Variants in PPP4R4 observed in about 807,000 individuals in gnomAD.
PPP4R4 encodes serine/threonine-protein phosphatase 4 regulatory subunit 4.
Under a neutral mutation model 121.8 loss-of-function variants are expected in PPP4R4, and 70 were observed. That is an observed-to-expected ratio of 0.57 (90% confidence interval 0.47 to 0.70). The LOEUF is 0.70. Ranked by LOEUF, PPP4R4 falls within the 30% of genes least tolerant of loss-of-function variation. The pLI, the probability that PPP4R4 is intolerant of heterozygous loss-of-function variation, is 0.00. For synonymous variants in PPP4R4, 348 were observed against 355.7 expected (o/e 0.98, Z 0.24); for missense variants, 875 against 1,033.6 (o/e 0.85, Z 2.10).
At chr14:94,209,473 T>C (rs540484282) in intron 3 of PPP4R4, among the ~76,000 whole-genome samples, 48 of 152,124 alleles carry the variant, frequency 3.2e-4, no homozygotes, top group Non-Finnish European at 6.2e-4. Flanking sequence ...ATCAGGGACA[T>C]ACCATGTTAT....
At chr14:94,183,513 G>A (rs1255753083) in intron 2 of PPP4R4, among the ~76,000 whole-genome samples, 1 of 152,154 alleles carries the variant, frequency 6.6e-6, no homozygotes, top group South Asian at 2.1e-4. Flanking sequence ...AAAGGGTTTG[G>A]AGATTGTTTC....
Position 94,242,438 on chromosome 14 carries a change from G to A in PPP4R4, c.1266+30G>A, listed in dbSNP as rs199867789. ...GTCTGAAGACTTGATATCACTTTAC[G>A]TTTGTTGTTAATTCTACCTATGTAT... is the stretch of plus-strand genomic sequence containing the variant. On this transcript the variant is annotated intron_variant, in intron 11 of 24. Transcript: ENST00000304338. 68 of 1,581,670 alleles carry A rather than the reference G, an allele frequency of 4.3e-5. No individual in the cohort carries two copies. In the African/African-American group the frequency reaches 4.7e-4, roughly 11 times the overall value.
chr14:94,220,082 T>C (rs28559646), intron 3 of PPP4R4, among the ~76,000 whole-genome samples: 82,914 of 152,000 alleles, frequency 0.55, 25,213 homozygotes, highest in African/African-American at 0.82. Flanking sequence ...ATTAGCCAGG[T>C]GTGGTGGCAG....
chr14:94,228,894 GA>G (rs1347033278), intron 3 of PPP4R4, among the ~76,000 whole-genome samples: 1 of 152,140 alleles, frequency 6.6e-6, no homozygotes, highest in African/African-American at 2.4e-5. Context: ...TGAGAACTGG[GA>G]TAAGGAGGTG....
intron 7 of PPP4R4, among the ~76,000 whole-genome samples, 159 bp from the exon 8 acceptor site, chr14:94,237,406 G>A (rs984365458): frequency 1.3e-5 from 2 of 152,170 alleles, no homozygotes; most frequent in Admixed American, 1.3e-4. Flanking sequence ...TATGTATGGT[G>A]TGCTTTCCCA....
chr14:94,179,580 C>T (rs61983485), intron 2 of PPP4R4, among the ~76,000 whole-genome samples: 7,328 of 152,198 alleles, frequency 0.048, 271 homozygotes, highest in Non-Finnish European at 0.074. Flanking sequence ...TTTTGCTTTT[C>T]CTCATCCTGG....
chr14:94,213,770 A>G (rs898775557), intron 3 of PPP4R4, among the ~76,000 whole-genome samples: 12 of 152,342 alleles, frequency 7.9e-5, no homozygotes, highest in Middle Eastern at 3.4e-3. Flanking sequence ...TCTAGATGGA[A>G]TGTGGCCTTG....
chr14:94,176,608 G>A lies in PPP4R4; in HGVS notation c.191+481G>A, dbSNP rs116063214. Among the ~76,000 whole-genome samples the A allele has an allele frequency of 5.8e-3, 884 of 152,042 alleles. 10 individuals are homozygous for A. Among genetic ancestry groups the A allele is most frequent in the African/African-American group, 0.021 (851 of 41,368 alleles). On this transcript the variant is annotated intron_variant, in intron 2 of 24. Transcript: ENST00000304338. The stretch of plus-strand genomic sequence containing the variant: ...GCAAGCTTTATGATTTTGTCTGAGG[G>A]GTTTTAGAAATTTGGTCGAGCCTAC...
rs972121800 is a variant in PPP4R4 at position 94,278,999 on chromosome 14, G to A, written c.*356G>A. 4 of 159,192 alleles carry A rather than the reference G, an allele frequency of 2.5e-5. No individual in the cohort carries two copies. Among genetic ancestry groups the A allele is most frequent in the Non-Finnish European group, 5.5e-5 (4 of 72,868 alleles). 9.9% of individuals were successfully genotyped at this position (159,192 alleles called of 1,614,324 possible). On this transcript the variant is annotated 3_prime_UTR_variant, in exon 25 of 25. Transcript: ENST00000304338. Reference sequence around the variant, plus strand: ...AAACCAGCCATTTAATTGTTCTAGAGTTTTAGCATTTAAAAATCGTATGAA... The same window carrying A: ...AAACCAGCCATTTAATTGTTCTAGAATTTTAGCATTTAAAAATCGTATGAA...
intron 11 of PPP4R4, among the ~76,000 whole-genome samples, chr14:94,243,079 C>T (rs1463515506): frequency 6.6e-6 from 1 of 152,084 alleles, no homozygotes; most frequent in Non-Finnish European, 1.5e-5. Flanking sequence ...GAATATTTCA[C>T]CCCCTTCCTT....
chr14:94,190,470 G>A (rs1022521508), intron 2 of PPP4R4, among the ~76,000 whole-genome samples: 2 of 151,988 alleles, frequency 1.3e-5, no homozygotes, highest in African/African-American at 4.8e-5. Context: ...GTGTGGTGGT[G>A]TGTGCCTGTA....
intron 17 of PPP4R4, among the ~76,000 whole-genome samples, chr14:94,257,856 AT>A (rs1198488961): frequency 6.6e-6 from 1 of 152,104 alleles, no homozygotes; most frequent in African/African-American, 2.4e-5. Flanking sequence ...ATGTAATAAA[AT>A]TAATGGATTA....
At chr14:94,230,253 C>T (rs1891943174) in intron 3 of PPP4R4, among the ~76,000 whole-genome samples, 1 of 152,158 alleles carries the variant, frequency 6.6e-6, no homozygotes, top group African/African-American at 2.4e-5. Flanking sequence ...CAAACTGTCA[C>T]AATCCAAACA....
intron 2 of PPP4R4, among the ~76,000 whole-genome samples, chr14:94,198,276 C>G (rs1889990151): frequency 6.6e-6 from 1 of 151,942 alleles, no homozygotes; most frequent in Non-Finnish European, 1.5e-5. Flanking sequence ...GTAATTTTAC[C>G]TAACGATTAA....
chr14:94,259,515 TTC>T (rs1198146145), intron 19 of PPP4R4, 146 bp downstream of exon 19: 1 of 1,187,078 alleles, frequency 8.4e-7, no homozygotes, highest in African/African-American at 1.6e-5. Flanking sequence ...TTGAAATCTG[TTC>T]TTTTATGAAC....
At chr14:94,176,892 A>G (rs1036554660) in intron 2 of PPP4R4, among the ~76,000 whole-genome samples, 4 of 152,148 alleles carry the variant, frequency 2.6e-5, no homozygotes, top group Admixed American at 6.5e-5. Context: ...CTTTTGGCAA[A>G]TTAGTCACTC....
intron 17 of PPP4R4, among the ~76,000 whole-genome samples, chr14:94,257,334 ATTAT>A (rs1236976386): frequency 6.6e-6 from 1 of 152,072 alleles, no homozygotes; most frequent in African/African-American, 2.4e-5. Context: ...TTGAAGTGAA[ATTAT>A]TTACTTTTAT....
chr14:94,183,430 T>C (rs1008598992), intron 2 of PPP4R4, among the ~76,000 whole-genome samples: 2 of 152,238 alleles, frequency 1.3e-5, no homozygotes, highest in African/African-American at 4.8e-5. Flanking sequence ...CCATTATTGC[T>C]AAGGCCAAAT....
At chr14:94,224,921 G>A (rs1891613486) in intron 3 of PPP4R4, among the ~76,000 whole-genome samples, 1 of 152,054 alleles carries the variant, frequency 6.6e-6, no homozygotes, top group Admixed American at 6.6e-5. Flanking sequence ...TGTAAATTAA[G>A]GACATATATC....
Sources: allele counts gnomAD v4.1 joint callset (sites outside exome capture counted in the v4.1 genomes callset), GRCh38; gene constraint gnomAD v4.1.1; transcripts MANE v1.5; gene names NCBI Gene and HGNC (gene_info 2026-07-23, HGNC 2026-07-21).